Variants in STARD13 observed in about 807,000 individuals in gnomAD.
STARD13 encodes the protein stAR-related lipid transfer protein 13.
STARD13 carries 62 observed loss-of-function variants against 106.4 expected under a neutral mutation model. The observed-to-expected ratio is 0.58, with a 90% CI of 0.48 to 0.72. STARD13 has a LOEUF of 0.72. STARD13 is among the 30% of genes least tolerant of loss of function. STARD13 has a pLI of 0.00. For synonymous variants in STARD13, 565 were observed against 553.0 expected (o/e 1.02, Z -0.31); for missense variants, 1,387 against 1,424.0 (o/e 0.97, Z 0.42).
Position 33,142,310 on chromosome 13 carries a change from C to A in STARD13, c.387G>T (p.Lys129Asn), listed in dbSNP as rs752755758. The part of the protein sequence containing the change: ...MKLDVNFQRK[K>N]GDDSDEEDLC... Reference sequence around the variant, plus strand: ...TTCTTATTAAGGTGTGGGCACCTACCTTTTTCCTTTGGAAGTTCACATCAA... The same window carrying A: ...TTCTTATTAAGGTGTGGGCACCTACATTTTTCCTTTGGAAGTTCACATCAA... The change falls in exon 4 of 14, where the codon AAG becomes AAT. Residue 129 changes from lysine (K) to asparagine (N), a missense_variant and splice_region_variant. Coordinates refer to ENST00000336934, the MANE Select transcript of STARD13 (RefSeq NM_178006.4). 11 of 1,613,604 alleles carry A rather than the reference C, an allele frequency of 6.8e-6. No individual in the cohort carries two copies. Among genetic ancestry groups the A allele is most frequent in the African/African-American group, 1.3e-5 (1 of 74,914 alleles).
the STARD13 span, among the ~76,000 whole-genome samples, chr13:33,622,614 C>CAAA: frequency 0.036 from 1,026 of 28,112 alleles, 195 homozygotes; most frequent in Non-Finnish European, 0.051. Flanking sequence ...GACTCCGTCT[C>CAAA]AAAAAAAAAA....
intron 1 of STARD13, among the ~76,000 whole-genome samples, chr13:33,193,231 G>A (rs969151834): frequency 2.0e-5 from 3 of 152,206 alleles, no homozygotes; most frequent in Admixed American, 6.5e-5. Context: ...CATGTAGTAT[G>A]AGGAGTAAGA....
At chr13:33,670,328 G>A in the STARD13 span, among the ~76,000 whole-genome samples, 4 of 152,142 alleles carry the variant, frequency 2.6e-5, no homozygotes, top group African/African-American at 9.7e-5. Flanking sequence ...TATGGGCAGC[G>A]CTAATGCAAC....
At chr13:33,571,604 T>C in the STARD13 span, among the ~76,000 whole-genome samples, 1 of 152,182 alleles carries the variant, frequency 6.6e-6, no homozygotes, top group African/African-American at 2.4e-5. Context: ...CCAGCAGTTA[T>C]TCTATATCCT....
intron 1 of STARD13, among the ~76,000 whole-genome samples, chr13:33,189,432 TTCGG>T (rs1566062306): frequency 6.9e-5 from 1 of 14,390 alleles, no homozygotes; most frequent in Non-Finnish European, 2.0e-4. Context: ...CCTTCCTCCT[TTCGG>T]AGGAAGGAGG....
At chr13:33,141,575 C>T (rs1047018339) in intron 4 of STARD13, among the ~76,000 whole-genome samples, 1 of 152,186 alleles carries the variant, frequency 6.6e-6, no homozygotes, top group Non-Finnish European at 1.5e-5. Flanking sequence ...GACAAGTACA[C>T]AGTGGGGAGA....
At chr13:33,472,128 T>A in the STARD13 span, among the ~76,000 whole-genome samples, 1 of 152,112 alleles carries the variant, frequency 6.6e-6, no homozygotes, top group Non-Finnish European at 1.5e-5. Flanking sequence ...TCATAACAAG[T>A]CTTTTTTATT....
the STARD13 span, among the ~76,000 whole-genome samples, chr13:33,509,217 G>A: frequency 2.6e-5 from 4 of 152,100 alleles, no homozygotes; most frequent in African/African-American, 7.2e-5. Flanking sequence ...GGAAAGGAAC[G>A]ACCTTCAGCC....
intron 3 of STARD13, chr13:33,164,312 G>A (rs1391380947): frequency 3.9e-5 from 6 of 152,162 alleles, no homozygotes; most frequent in Non-Finnish European, 7.3e-5. Context: ...CTAGGATTAG[G>A]TAATTTACAC....
chr13:33,209,102 A>C (rs1887574024), intron 1 of STARD13, among the ~76,000 whole-genome samples: 1 of 152,296 alleles, frequency 6.6e-6, no homozygotes, highest in East Asian at 1.9e-4. Context: ...AAAGGAAGGA[A>C]AATATTGGGG....
At position 33,129,055 on chromosome 13, in the gene STARD13, A is replaced by G. The variant is rs778148387; in HGVS notation, c.1622T>C (p.Val541Ala). The G allele has an allele frequency of 1.9e-6, 3 of 1,614,100 alleles. No homozygotes were observed. In the Admixed American group the frequency reaches 5.0e-5, roughly 27 times the overall value. ...QITLDFEGNS[V>A]SEGRTTPSDV... ...ACTGGGTGTCGTCCGACCTTCTGAG[A>G]CAGAGTTACCTTCAAAATCTAAGGT... is the stretch of plus-strand genomic sequence containing the variant. The change falls in exon 5 of 14, where the codon GTC becomes GCC. Residue 541 changes from valine (V) to alanine (A), a missense_variant. Coordinates refer to ENST00000336934, the MANE Select transcript of STARD13 (RefSeq NM_178006.4).
At chr13:33,205,627 AGAGT>A (rs1341614970) in intron 1 of STARD13, among the ~76,000 whole-genome samples, 1 of 152,268 alleles carries the variant, frequency 6.6e-6, no homozygotes, top group African/African-American at 2.4e-5. Flanking sequence ...AAATGTTTCT[AGAGT>A]GAGTAGCCAA....
At chr13:33,191,543 G>A (rs1886257933) in intron 1 of STARD13, among the ~76,000 whole-genome samples, 1 of 152,220 alleles carries the variant, frequency 6.6e-6, no homozygotes, top group African/African-American at 2.4e-5. Context: ...TCCTGGCTAT[G>A]TGATTATAGA....
the STARD13 span, among the ~76,000 whole-genome samples, chr13:33,411,592 T>G: frequency 6.6e-6 from 1 of 151,826 alleles, no homozygotes; most frequent in Non-Finnish European, 1.5e-5. Flanking sequence ...AGAGAGCTCT[T>G]GATTTTGGCA....
At chr13:33,531,127 G>T in the STARD13 span, among the ~76,000 whole-genome samples, 2 of 152,126 alleles carry the variant, frequency 1.3e-5, no homozygotes. Context: ...TTTATAAAGG[G>T]GAGTTTCCCT....
At chr13:33,378,887 A>G in the STARD13 span, among the ~76,000 whole-genome samples, 11 of 151,942 alleles carry the variant, frequency 7.2e-5, no homozygotes, top group African/African-American at 2.4e-4. Flanking sequence ...AGGCAGGCAG[A>G]TAGCTTGAGC....
chr13:33,125,174 A>T (rs572522009), intron 7 of STARD13, among the ~76,000 whole-genome samples: 87 of 152,182 alleles, frequency 5.7e-4, no homozygotes, highest in Non-Finnish European at 1.1e-3. Flanking sequence ...ATTCCTGCCC[A>T]CTGAGCCCAA....
chr13:33,151,214 T>C (rs564248911), intron 3 of STARD13, among the ~76,000 whole-genome samples: 29 of 152,358 alleles, frequency 1.9e-4, no homozygotes, highest in Admixed American at 6.5e-4. Flanking sequence ...TCTGTTTTCA[T>C]TGCTATTAAG....
the STARD13 span, among the ~76,000 whole-genome samples, chr13:33,656,255 T>A: frequency 6.6e-6 from 1 of 151,984 alleles, no homozygotes; most frequent in Non-Finnish European, 1.5e-5. Flanking sequence ...AGCTTCTCAA[T>A]AAATATTTAT....
Sources: allele counts gnomAD v4.1 joint callset (sites outside exome capture counted in the v4.1 genomes callset), GRCh38; gene constraint gnomAD v4.1.1; transcripts MANE v1.5; gene names NCBI Gene and HGNC (gene_info 2026-07-23, HGNC 2026-07-21).